Variants in ALK observed in about 807,000 individuals in gnomAD.
ALK encodes the protein ALK receptor tyrosine kinase.
Under a neutral mutation model 163.1 loss-of-function variants are expected in ALK, and 74 were observed. The observed-to-expected ratio is 0.45, with a 90% CI of 0.38 to 0.55. The LOEUF is 0.55. Among genes scored for constraint, ALK ranks in the 20% least tolerant of loss-of-function variants. ALK has a pLI of 0.00. For synonymous variants in ALK, 960 were observed against 843.2 expected (o/e 1.14, Z -2.40); for missense variants, 2,063 against 2,105.3 (o/e 0.98, Z 0.39).
chr2:29,659,648 C>A (rs1188807335), intron 3 of ALK, among the ~76,000 whole-genome samples: 1 of 152,126 alleles, frequency 6.6e-6, no homozygotes, highest in African/African-American at 2.4e-5. Flanking sequence ...TTCTACCAGC[C>A]TACCACATAA....
intron 12 of ALK, among the ~76,000 whole-genome samples, chr2:29,241,651 G>A (rs1271177449): frequency 6.6e-6 from 1 of 151,980 alleles, no homozygotes; most frequent in Non-Finnish European, 1.5e-5. Flanking sequence ...GGAGCCTCAA[G>A]TATGTCTGGC....
At chr2:29,529,831 C>T (rs1573433131) in intron 4 of ALK, among the ~76,000 whole-genome samples, 1 of 152,326 alleles carries the variant, frequency 6.6e-6, no homozygotes, top group East Asian at 1.9e-4. Context: ...GAATTTGCCT[C>T]AGCTCAGTCC....
chr2:29,470,927 A>C (rs1453322966), intron 4 of ALK, among the ~76,000 whole-genome samples: 2 of 152,220 alleles, frequency 1.3e-5, no homozygotes, highest in African/African-American at 4.8e-5. Flanking sequence ...GATAAAAGAA[A>C]GGATGGTGGC....
chr2:29,646,903 G>C (rs1163184995), intron 3 of ALK, among the ~76,000 whole-genome samples: 1 of 152,124 alleles, frequency 6.6e-6, no homozygotes, highest in Non-Finnish European at 1.5e-5. Flanking sequence ...TTCTTCCTAT[G>C]AGTGTAAAAG....
At chr2:29,716,578 C>T (rs74904880) in intron 2 of ALK, among the ~76,000 whole-genome samples, 8,252 of 152,128 alleles carry the variant, frequency 0.054, 739 homozygotes, top group African/African-American at 0.19. Flanking sequence ...AGGACCTACC[C>T]GGGTGGGTAG....
intron 1 of ALK, among the ~76,000 whole-genome samples, chr2:29,770,962 C>T (rs747785998): frequency 6.6e-6 from 1 of 151,874 alleles, no homozygotes; most frequent in Non-Finnish European, 1.5e-5. Flanking sequence ...CACACACATA[C>T]ACAAATACAC....
chr2:29,789,015 C>CTGTGTGTGTGTGTGTG (rs57619106), intron 1 of ALK, among the ~76,000 whole-genome samples: 13,766 of 125,292 alleles, frequency 0.11, 1,385 homozygotes, highest in Non-Finnish European at 0.15. Flanking sequence ...TCCTGGTACA[C>CTGTGTGTGTGTGTGTG]TGTGTGTGTG....
intron 1 of ALK, among the ~76,000 whole-genome samples, chr2:29,877,733 T>C (rs1256620360): frequency 6.6e-6 from 1 of 152,182 alleles, no homozygotes; most frequent in Non-Finnish European, 1.5e-5. Flanking sequence ...TCCCACACGC[T>C]GGCTCTGCTC....
At chr2:29,670,855 A>C (rs551890313) in intron 3 of ALK, among the ~76,000 whole-genome samples, 1 of 152,072 alleles carries the variant, frequency 6.6e-6, no homozygotes, top group East Asian at 1.9e-4. Context: ...ATTTTTAAAA[A>C]CTATTTCAAT....
intron 5 of ALK, among the ~76,000 whole-genome samples, chr2:29,331,316 C>T (rs975426480): frequency 6.6e-6 from 1 of 152,098 alleles, no homozygotes; most frequent in Non-Finnish European, 1.5e-5. Context: ...AGGTTTGGAC[C>T]CACTTATACA....
At chr2:29,834,945 G>T (rs949745641) in intron 1 of ALK, among the ~76,000 whole-genome samples, 3 of 152,230 alleles carry the variant, frequency 2.0e-5, no homozygotes, top group African/African-American at 7.2e-5. Context: ...CACAAAGGCA[G>T]TGTAACTCAT....
intron 1 of ALK, among the ~76,000 whole-genome samples, chr2:29,839,245 T>C (rs2148393493): frequency 6.6e-6 from 1 of 152,274 alleles, no homozygotes; most frequent in Middle Eastern, 3.4e-3. Context: ...TCACAGGAGA[T>C]AGATTTTCTT....
chr2:29,476,371 C>G (rs1265162449), intron 4 of ALK, among the ~76,000 whole-genome samples: 1 of 152,202 alleles, frequency 6.6e-6, no homozygotes, highest in East Asian at 1.9e-4. Flanking sequence ...TCATTTTAAA[C>G]ACCAACATTC....
intron 4 of ALK, among the ~76,000 whole-genome samples, chr2:29,496,241 T>C (rs1027456539): frequency 3.9e-5 from 6 of 152,254 alleles, no homozygotes; most frequent in African/African-American, 1.4e-4. Flanking sequence ...TTTTTGCTCA[T>C]TGTTTATTAC....
At chr2:29,536,709 G>A (rs1673266366) in intron 3 of ALK, among the ~76,000 whole-genome samples, 1 of 152,194 alleles carries the variant, frequency 6.6e-6, no homozygotes, top group Non-Finnish European at 1.5e-5. Context: ...GAAGACGAGG[G>A]AAAGTTTGGA....
At chr2:29,723,662 C>T (rs550807724) in intron 1 of ALK, among the ~76,000 whole-genome samples, 9 of 152,274 alleles carry the variant, frequency 5.9e-5, no homozygotes, top group Middle Eastern at 3.4e-3. Flanking sequence ...TTTCTGAAAA[C>T]GATGACGAGA....
chr2:29,531,860 C>T (rs912976121), intron 4 of ALK, 55 bp downstream of exon 4: 6 of 1,593,754 alleles, frequency 3.8e-6, no homozygotes, highest in South Asian at 2.2e-5. Flanking sequence ...AAATGTGTAA[C>T]CAAAAGCCAA....
chr2:29,724,197 T>C (rs957763526), intron 1 of ALK, among the ~76,000 whole-genome samples: 1 of 152,244 alleles, frequency 6.6e-6, no homozygotes, highest in African/African-American at 2.4e-5. Flanking sequence ...GCTCCTATTC[T>C]AAATGCTCTT....
intron 1 of ALK, among the ~76,000 whole-genome samples, chr2:29,789,499 T>C (rs1407001919): frequency 6.6e-6 from 1 of 152,240 alleles, no homozygotes; most frequent in Non-Finnish European, 1.5e-5. Context: ...AGCTTTACAA[T>C]GTGCCTGTGC....
Sources: gnomAD v4.1 joint callset for allele counts (sites outside exome capture counted in the v4.1 genomes callset) on GRCh38, gnomAD v4.1.1 for gene constraint, MANE v1.5 for transcripts, NCBI Gene and HGNC (gene_info 2026-07-23, HGNC 2026-07-21) for gene names.